PLEKHH2: variants seen among roughly 807,000 people sequenced by gnomAD.
PLEKHH2 encodes the protein pleckstrin homology, MyTH4 and FERM domain containing H2, also known as pleckstrin homology domain-containing family H member 2.
Under a neutral mutation model 187.9 loss-of-function variants are expected in PLEKHH2, and 129 were observed. The ratio of observed to expected loss-of-function variants is 0.69; its 90% confidence interval spans 0.59 to 0.79. The LOEUF is 0.79. PLEKHH2 is among the 30% of genes least tolerant of loss of function. The probability of loss-of-function intolerance (pLI) is 0.00; values close to 1 mark genes in which losing one functional copy is unlikely to be tolerated. For synonymous variants in PLEKHH2, 686 were observed against 605.6 expected, an observed-to-expected ratio of 1.13 and a Z score of -1.95; for missense variants, 2,076 against 1,751.2, an observed-to-expected ratio of 1.19 and a Z score of -3.31.
At chr2:43,641,680 A>T (rs1228334190) in intron 1 of PLEKHH2, among the ~76,000 whole-genome samples, 2 of 152,288 alleles carry the variant, frequency 1.3e-5, no homozygotes, top group South Asian at 4.1e-4. Context: ...ATATGGTATG[A>T]GGTATGGGTC....
At chr2:43,682,572 TG>T (rs1668256232) in intron 3 of PLEKHH2, among the ~76,000 whole-genome samples, 3 of 152,214 alleles carry the variant, frequency 2.0e-5, no homozygotes, top group Non-Finnish European at 4.4e-5. Flanking sequence ...CCCAAAGTGC[TG>T]GGATTACAGG....
chr2:43,680,703 T>A, intron 3 of PLEKHH2: 1 of 413,028 alleles, frequency 2.4e-6, no homozygotes, highest in South Asian at 2.0e-5. Context: ...CAAGTAAGCC[T>A]TCCGAAGGAA....
intron 10 of PLEKHH2, among the ~76,000 whole-genome samples, chr2:43,706,816 C>T (rs976480964): frequency 4.6e-5 from 7 of 152,214 alleles, no homozygotes; most frequent in African/African-American, 1.2e-4. Flanking sequence ...CTTATATTTT[C>T]AGGCATCTTT....
intron 26 of PLEKHH2, among the ~76,000 whole-genome samples, chr2:43,758,485 C>A (rs1439537695): frequency 6.6e-6 from 1 of 152,086 alleles, no homozygotes; most frequent in East Asian, 1.9e-4. Flanking sequence ...ACACCTGACC[C>A]CAGGTGATCC....
rs1167078689 is a variant in PLEKHH2, at chr2:43,702,527, CTTTTT to C, written c.1651-1436_1651-1432del. On this transcript the variant is annotated intron_variant, in intron 8 of 29. Coordinates refer to ENST00000282406, the MANE Select transcript of PLEKHH2 (RefSeq NM_172069.4). The stretch of plus-strand genomic sequence containing the variant: ...TTTTATTTGGCAACCCATTCTACTA[CTTTTT>C]TTTTTTTTTTTTTTTTTCCATTCTG... Among the ~76,000 whole-genome samples the C allele has an allele frequency of 3.1e-3, 178 of 57,416 alleles. 1 individual carries two copies. Among genetic ancestry groups the C allele is most frequent in the African/African-American group, 0.015 (162 of 10,508 alleles). 37.7% of individuals were successfully genotyped at this position (57,416 alleles called of 152,430 possible).
At chr2:43,679,130 G>T (rs1668030003) in intron 3 of PLEKHH2, among the ~76,000 whole-genome samples, 2 of 152,228 alleles carry the variant, frequency 1.3e-5, no homozygotes, top group South Asian at 4.2e-4. Flanking sequence ...CTTCCATTAG[G>T]AAGGAAGTTT....
Position 43,706,384 on chromosome 2 carries a change from A to T in PLEKHH2, c.1789A>T (p.Met597Leu). The T allele has an allele frequency of 6.2e-7, 1 of 1,605,758 alleles. No homozygotes were observed. The highest frequency in any genetic ancestry group is 8.5e-7 in the Non-Finnish European group (1 of 1,172,566). The change falls in exon 10 of 30, where the codon ATG (methionine) becomes TTG (leucine). Residue 597 changes from methionine to leucine, a missense_variant. Transcript: ENST00000282406. Reference protein sequence around the residue: ...GLYTSLIYKNMTTPVYTTLKG... With the variant: ...GLYTSLIYKNLTTPVYTTLKG... Reference sequence around the variant, plus strand: ...TTATACATCTCTGATATACAAGAACATGACCACCCCAGTGTATACAACTTT... The same window carrying T: ...TTATACATCTCTGATATACAAGAACTTGACCACCCCAGTGTATACAACTTT...
At chr2:43,639,604 A>G (rs962412672) in intron 1 of PLEKHH2, among the ~76,000 whole-genome samples, 2 of 146,664 alleles carry the variant, frequency 1.4e-5, no homozygotes, top group African/African-American at 5.1e-5. Flanking sequence ...TTAGTACTGT[A>G]TTCCTTTTTT....
At position 43,765,414 on chromosome 2, in the gene PLEKHH2, T is replaced by C; in HGVS notation, c.4298T>C (p.Ile1433Thr). ...ACAATTCTGTTTTCCTTGTTTTAGA[T>C]TCTTGAAATCACTCTTTTGATCGCC... ...KLLFAMAKPK[I>T]LEITLLIASY... Residue 1433 changes from isoleucine to threonine, a missense_variant and splice_region_variant, in exon 30 of 30, where the codon ATT becomes ACT. Physicochemically the swap from Ile to Thr is moderately conservative, Grantham distance 89. Coordinates refer to ENST00000282406, the MANE Select transcript of PLEKHH2 (RefSeq NM_172069.4). 1.2e-6 allele frequency: 2 copies of C among 1,613,880 alleles called. No individual in the cohort carries two copies. The highest frequency in any genetic ancestry group is 1.7e-6 in the Non-Finnish European group (2 of 1,179,818).
chr2:43,707,670 A>G lies in PLEKHH2; in HGVS notation c.1966+125A>G, dbSNP rs945333880. ...CTTGCTTCAGACCCTAGTGAAAAGA[A>G]CTTTAGCCTATGACTGATATGTTTA... On this transcript the variant is annotated intron_variant, in intron 11 of 29. Coordinates refer to ENST00000282406, the MANE Select transcript of PLEKHH2 (RefSeq NM_172069.4). 20 of 1,093,616 alleles carry G rather than the reference A, an allele frequency of 1.8e-5. No homozygotes were observed. In the African/African-American group the frequency reaches 3.2e-4, roughly 17 times the overall value. The allele number at this position is 1,093,616 out of a possible 1,614,324, so 67.7% of individuals were successfully genotyped here.
intron 25 of PLEKHH2, among the ~76,000 whole-genome samples, chr2:43,755,224 CATTCTGTCTCCTCTTTATGA>C (rs1245406371): frequency 2.0e-5 from 3 of 152,210 alleles, no homozygotes; most frequent in Admixed American, 1.3e-4. Flanking sequence ...TCTGTGTTCA[CATTCTGTCTCCTCTTTATGA>C]TACTGCCTCC....
chr2:43,727,228 C>T (rs1670796139), intron 17 of PLEKHH2, among the ~76,000 whole-genome samples: 1 of 152,010 alleles, frequency 6.6e-6, no homozygotes, highest in African/African-American at 2.4e-5. Flanking sequence ...TCTTGGCCAA[C>T]ATGGTGAAAC....
chr2:43,653,249 G>A (rs749060048), intron 2 of PLEKHH2, among the ~76,000 whole-genome samples: 7 of 151,966 alleles, frequency 4.6e-5, no homozygotes, highest in Non-Finnish European at 1.0e-4. Context: ...CATAATGAAC[G>A]TTTAGAATAT....
chr2:43,730,500 G>A (rs1456821611), intron 18 of PLEKHH2, among the ~76,000 whole-genome samples: 1 of 152,210 alleles, frequency 6.6e-6, no homozygotes, highest in African/African-American at 2.4e-5. Context: ...CTGGGCTCAA[G>A]CAATCCTCCT....
intron 23 of PLEKHH2, 135 bp downstream of exon 23, chr2:43,744,124 GAA>G: frequency 1.6e-6 from 2 of 1,263,620 alleles, no homozygotes; most frequent in Non-Finnish European, 1.0e-6. Context: ...TCCACGATAA[GAA>G]AAAAAAAATG....
At chr2:43,654,369 G>T (rs1457344192) in intron 2 of PLEKHH2, among the ~76,000 whole-genome samples, 1 of 151,668 alleles carries the variant, frequency 6.6e-6, no homozygotes, top group Non-Finnish European at 1.5e-5. Flanking sequence ...TAATTTTTTT[G>T]TATTTTTAGT....
intron 3 of PLEKHH2, among the ~76,000 whole-genome samples, chr2:43,690,269 G>T (rs1313027338): frequency 6.6e-6 from 1 of 152,124 alleles, no homozygotes; most frequent in African/African-American, 2.4e-5. Flanking sequence ...CATGCAGAAA[G>T]CCCACTATAT....
intron 15 of PLEKHH2, among the ~76,000 whole-genome samples, chr2:43,717,565 A>G (rs1440402723): frequency 6.6e-6 from 1 of 152,198 alleles, no homozygotes; most frequent in African/African-American, 2.4e-5. Flanking sequence ...CAGTGAAGGA[A>G]AAAGGATTAG....
intron 2 of PLEKHH2, 101 bp from the exon 3 acceptor site, chr2:43,678,762 G>GTGGAGGTGCAGA: frequency 1.2e-6 from 1 of 828,416 alleles, no homozygotes; most frequent in Non-Finnish European, 2.0e-6. Flanking sequence ...GGAGGTGGAG[G>GTGGAGGTGCAGA]TGGAGGTGGA....
Sources: gnomAD v4.1 joint callset for allele counts (sites outside exome capture counted in the v4.1 genomes callset) on GRCh38, gnomAD v4.1.1 for gene constraint, MANE v1.5 for transcripts, NCBI Gene and HGNC (gene_info 2026-07-23, HGNC 2026-07-21) for gene names.